The following ENTREP2 variants were observed in gnomAD, a reference collection of about 807,000 sequenced individuals.
The protein encoded by ENTREP2 is protein ENTREP2.
At chr15:29,212,862 G>A in the ENTREP2 span, among the ~76,000 whole-genome samples, 9 of 152,156 alleles carry the variant, frequency 5.9e-5, no homozygotes, top group Non-Finnish European at 1.0e-4. Flanking sequence ...TGAAGTCCTG[G>A]CCCATGCCTA....
At chr15:29,288,833 G>A in the ENTREP2 span, among the ~76,000 whole-genome samples, 3 of 152,110 alleles carry the variant, frequency 2.0e-5, no homozygotes, top group African/African-American at 4.8e-5. Flanking sequence ...GTGTATGTAT[G>A]TACATACATA....
chr15:29,515,938 G>A, the ENTREP2 span, among the ~76,000 whole-genome samples: 1 of 152,100 alleles, frequency 6.6e-6, no homozygotes, highest in Admixed American at 6.5e-5. Flanking sequence ...CTTGAAATAT[G>A]GCTAGTGCAA....
the ENTREP2 span, chr15:29,614,108 G>A: frequency 0.052 from 7,948 of 153,092 alleles, 240 homozygotes; most frequent in East Asian, 0.15. Context: ...CACGTTCGTC[G>A]GCAACAGCGC....
At chr15:29,366,223 G>A in the ENTREP2 span, among the ~76,000 whole-genome samples, 1 of 152,034 alleles carries the variant, frequency 6.6e-6, no homozygotes, top group Non-Finnish European at 1.5e-5. Context: ...ACAGGTTCAT[G>A]CCACCAGGCC....
At chr15:29,587,325 G>T in the ENTREP2 span, among the ~76,000 whole-genome samples, 5 of 151,864 alleles carry the variant, frequency 3.3e-5, no homozygotes, top group Non-Finnish European at 7.4e-5. Flanking sequence ...CTGAAGTTTG[G>T]GATCATACAG....
chr15:29,537,264 G>A, the ENTREP2 span, among the ~76,000 whole-genome samples: 3 of 152,092 alleles, frequency 2.0e-5, no homozygotes, highest in Non-Finnish European at 2.9e-5. Flanking sequence ...TAGAGTCCAC[G>A]CACCGCTTTA....
chr15:29,388,917 G>C, the ENTREP2 span, among the ~76,000 whole-genome samples: 92 of 131,032 alleles, frequency 7.0e-4, no homozygotes, highest in African/African-American at 2.5e-3. Flanking sequence ...TGAACAATGA[G>C]AACACTTGGA....
At chr15:29,123,743 C>T in the ENTREP2 span, 1 of 1,354,296 alleles carries the variant, frequency 7.4e-7, no homozygotes, top group Non-Finnish European at 9.9e-7. Flanking sequence ...CGGGAGGAGC[C>T]TCCTGCTGGG....
At chr15:29,160,001 G>A in the ENTREP2 span, among the ~76,000 whole-genome samples, 6 of 152,230 alleles carry the variant, frequency 3.9e-5, no homozygotes, top group Admixed American at 1.3e-4. Flanking sequence ...GGCTCGGGCC[G>A]CACAGGAGCC....
At chr15:29,457,047 C>T in the ENTREP2 span, among the ~76,000 whole-genome samples, 78 of 152,290 alleles carry the variant, frequency 5.1e-4, 1 homozygote, top group African/African-American at 1.7e-3. Flanking sequence ...CACAGGGCCC[C>T]GTGTTCTTGA....
the ENTREP2 span, among the ~76,000 whole-genome samples, chr15:29,347,401 C>T: frequency 3.9e-5 from 6 of 151,906 alleles, no homozygotes; most frequent in African/African-American, 1.5e-4. Flanking sequence ...AACTCCTGGC[C>T]TCGAGCAATC....
At chr15:29,539,563 A>T in the ENTREP2 span, among the ~76,000 whole-genome samples, 2 of 152,072 alleles carry the variant, frequency 1.3e-5, no homozygotes, top group East Asian at 3.9e-4. Context: ...CTCTGCCCTT[A>T]AACTGGGCAA....
the ENTREP2 span, among the ~76,000 whole-genome samples, chr15:29,657,483 C>CGGGGCGGGGGGGGGGGGGG: frequency 2.9e-5 from 2 of 69,382 alleles, no homozygotes; most frequent in African/African-American, 1.2e-4. Flanking sequence ...GCTGGGGGGG[C>CGGGGCGGGGGGGGGGGGGG]GGGGGGGGGG....
the ENTREP2 span, among the ~76,000 whole-genome samples, chr15:29,214,459 G>A: frequency 2.6e-5 from 4 of 152,270 alleles, no homozygotes; most frequent in East Asian, 7.7e-4. Context: ...AACACCGCAT[G>A]TTCTCACATA....
the ENTREP2 span, among the ~76,000 whole-genome samples, chr15:29,214,292 A>G: frequency 1.3e-5 from 2 of 152,236 alleles, no homozygotes; most frequent in African/African-American, 4.8e-5. Flanking sequence ...ACCAACCCCA[A>G]TGTCCAACAA....
the ENTREP2 span, among the ~76,000 whole-genome samples, chr15:29,165,561 C>T: frequency 6.6e-6 from 1 of 152,258 alleles, no homozygotes; most frequent in African/African-American, 2.4e-5. Context: ...CCTTTACACA[C>T]ATCAACTAGA....
chr15:29,371,787 G>T, the ENTREP2 span, among the ~76,000 whole-genome samples: 1 of 151,956 alleles, frequency 6.6e-6, no homozygotes, highest in African/African-American at 2.4e-5. Context: ...AAATAGAAGT[G>T]CCCCAGAAAG....
the ENTREP2 span, among the ~76,000 whole-genome samples, chr15:29,243,667 T>C: frequency 6.6e-6 from 1 of 152,184 alleles, no homozygotes; most frequent in Non-Finnish European, 1.5e-5. Flanking sequence ...TTTGAATCTC[T>C]AAAGATTTGC....
At chr15:29,435,986 G>A in the ENTREP2 span, among the ~76,000 whole-genome samples, 7 of 152,138 alleles carry the variant, frequency 4.6e-5, no homozygotes, top group East Asian at 5.8e-4. Flanking sequence ...GTCAACCGAT[G>A]TACTAGAGCA....
Sources: allele counts gnomAD v4.1 joint callset (sites outside exome capture counted in the v4.1 genomes callset), GRCh38; gene constraint gnomAD v4.1.1; transcripts MANE v1.5; gene names NCBI Gene and HGNC (gene_info 2026-07-23, HGNC 2026-07-21).